The following GSK3B variants were observed in gnomAD, a reference collection of about 807,000 sequenced individuals.
The protein encoded by GSK3B is glycogen synthase kinase-3 beta.
Under a neutral mutation model 56.4 loss-of-function variants are expected in GSK3B, and 15 were observed. The ratio of observed to expected loss-of-function variants is 0.27; its 90% CI spans 0.18 to 0.41. GSK3B has a LOEUF of 0.41. Among genes scored for constraint, GSK3B ranks in the 10% least tolerant of loss-of-function variants. The pLI is 1.00. For missense variants in GSK3B, 300 were observed against 513.4 expected, an observed-to-expected ratio of 0.58 and a Z score of 4.02; for synonymous variants, 181 against 188.9, an observed-to-expected ratio of 0.96 and a Z score of 0.34.
At chr3:119,900,795 T>C (rs1179832744) in intron 7 of GSK3B, among the ~76,000 whole-genome samples, 1 of 152,142 alleles carries the variant, frequency 6.6e-6, no homozygotes, top group African/African-American at 2.4e-5. Context: ...TACTTAATTG[T>C]TCAGTTTTTA....
chr3:120,077,761 T>C, intron 1 of GSK3B, among the ~76,000 whole-genome samples: 1 of 152,266 alleles, frequency 6.6e-6, no homozygotes, highest in African/African-American at 2.4e-5. Context: ...TTGTATATCT[T>C]AAATATACAT....
intron 5 of GSK3B, among the ~76,000 whole-genome samples, chr3:119,914,082 C>CG (rs2056759938): frequency 6.6e-6 from 1 of 152,024 alleles, no homozygotes; most frequent in African/African-American, 2.4e-5. Flanking sequence ...GCTACAAAAA[C>CG]GGAGCAGCCT....
At chr3:119,852,352 A>ATT (rs60941551) in intron 9 of GSK3B, among the ~76,000 whole-genome samples, 3,793 of 145,396 alleles carry the variant, frequency 0.026, 154 homozygotes, top group African/African-American at 0.089. Flanking sequence ...TCAGAACTCT[A>ATT]TTTTTTTTTT....
intron 1 of GSK3B, among the ~76,000 whole-genome samples, chr3:120,005,265 T>C (rs546087785): frequency 3.3e-5 from 5 of 152,154 alleles, no homozygotes; most frequent in African/African-American, 9.6e-5. Flanking sequence ...CTTCAAGAAA[T>C]ACGGCATTAT....
intron 3 of GSK3B, among the ~76,000 whole-genome samples, chr3:119,941,487 T>C (rs536763764): frequency 6.6e-5 from 10 of 152,362 alleles, no homozygotes; most frequent in South Asian, 2.1e-4. Context: ...ACGCCCAACA[T>C]TGCCATTTAG....
chr3:119,891,252 TAA>T (rs1450720076), intron 7 of GSK3B, among the ~76,000 whole-genome samples: 11 of 151,560 alleles, frequency 7.3e-5, no homozygotes, highest in Non-Finnish European at 1.5e-4. Context: ...AACAGCATTC[TAA>T]AAGAGAATAA....
At chr3:119,893,110 T>C (rs918240053) in intron 7 of GSK3B, among the ~76,000 whole-genome samples, 39 of 152,004 alleles carry the variant, frequency 2.6e-4, no homozygotes, top group African/African-American at 6.0e-4. Flanking sequence ...CAGGTTCAAG[T>C]GATTCTTGTG....
intron 10 of GSK3B, among the ~76,000 whole-genome samples, chr3:119,827,743 A>T (rs931997760): frequency 6.6e-6 from 1 of 152,042 alleles, no homozygotes; most frequent in Non-Finnish European, 1.5e-5. Context: ...CAAACTTTGC[A>T]TGTTCTCACT....
intron 2 of GSK3B, among the ~76,000 whole-genome samples, chr3:119,955,591 A>G (rs1295589890): frequency 1.3e-5 from 2 of 152,150 alleles, no homozygotes; most frequent in Non-Finnish European, 2.9e-5. Flanking sequence ...AGTCTTAAAT[A>G]CAGCGCTAAA....
chr3:119,986,094 C>T (rs1361571936), intron 2 of GSK3B, among the ~76,000 whole-genome samples: 1 of 152,154 alleles, frequency 6.6e-6, no homozygotes, highest in Non-Finnish European at 1.5e-5. Context: ...AAAGGATTCC[C>T]TATTTAATAA....
At chr3:119,839,019 C>T (rs932910917) in intron 10 of GSK3B, among the ~76,000 whole-genome samples, 18 of 152,142 alleles carry the variant, frequency 1.2e-4, no homozygotes, top group African/African-American at 4.1e-4. Context: ...AATATTTGCA[C>T]CATCTTTACC....
chr3:120,058,278 T>TA (rs1477134418), intron 1 of GSK3B, among the ~76,000 whole-genome samples: 1 of 152,166 alleles, frequency 6.6e-6, no homozygotes, highest in Admixed American at 6.5e-5. Flanking sequence ...AACTACTATG[T>TA]AAAAATATAA....
intron 9 of GSK3B, among the ~76,000 whole-genome samples, chr3:119,845,132 C>G (rs183672878): frequency 3.9e-4 from 60 of 152,246 alleles, no homozygotes; most frequent in African/African-American, 1.3e-3. Context: ...TAAAAACACT[C>G]AATAAACTAG....
chr3:120,016,460 AT>A (rs1296558752), intron 1 of GSK3B, among the ~76,000 whole-genome samples: 2 of 152,174 alleles, frequency 1.3e-5, no homozygotes, highest in Non-Finnish European at 2.9e-5. Context: ...TCAACAACTC[AT>A]ATCCACAGGA....
intron 1 of GSK3B, among the ~76,000 whole-genome samples, chr3:120,064,912 C>T (rs2058266927): frequency 6.6e-6 from 1 of 152,128 alleles, no homozygotes; most frequent in Non-Finnish European, 1.5e-5. Context: ...AAAAAATAAG[C>T]TCTTCAACAA....
chr3:120,002,338 T>G, intron 1 of GSK3B, 99 bp from the exon 2 acceptor site: 1 of 570,432 alleles, frequency 1.8e-6, no homozygotes, highest in Non-Finnish European at 2.8e-6. Context: ...CTTTATTTTT[T>G]ATTTTATTTT....
chr3:119,982,591 G>A (rs867374320), intron 2 of GSK3B, among the ~76,000 whole-genome samples: 2 of 152,112 alleles, frequency 1.3e-5, no homozygotes, highest in African/African-American at 4.8e-5. Context: ...TAGCTGATTC[G>A]ATCAAGTGGA....
At chr3:120,033,593 T>C (rs1319313672) in intron 1 of GSK3B, among the ~76,000 whole-genome samples, 1 of 152,240 alleles carries the variant, frequency 6.6e-6, no homozygotes, top group Non-Finnish European at 1.5e-5. Flanking sequence ...TTTTCGTGCA[T>C]TGATATGGTT....
intron 1 of GSK3B, among the ~76,000 whole-genome samples, chr3:120,057,977 C>T (rs2058205027): frequency 6.6e-6 from 1 of 152,000 alleles, no homozygotes; most frequent in African/African-American, 2.4e-5. Context: ...TCTCTCTCTC[C>T]CTATCCCAGC....
Sources: gnomAD v4.1 joint callset for allele counts (sites outside exome capture counted in the v4.1 genomes callset) on GRCh38, gnomAD v4.1.1 for gene constraint, MANE v1.5 for transcripts, NCBI Gene and HGNC (gene_info 2026-07-23, HGNC 2026-07-21) for gene names.